CCSER1: variants seen among roughly 807,000 people sequenced by gnomAD.
CCSER1 encodes coiled-coil serine rich protein 1.
In CCSER1, 41 loss-of-function variants were observed where a neutral mutation model predicts 82.0. The ratio of observed to expected loss-of-function variants is 0.50; its 90% CI spans 0.39 to 0.65. The LOEUF is 0.65. Ranked by LOEUF, CCSER1 falls within the 30% of genes least tolerant of loss-of-function variation. CCSER1 has a pLI of 0.00. For missense variants in CCSER1, 1,119 were observed against 1,064.2 expected (o/e 1.05, Z -0.72); for synonymous variants, 414 against 383.9 (o/e 1.08, Z -0.92).
At chr4:90,924,664 C>A (rs1307004664) in intron 9 of CCSER1, among the ~76,000 whole-genome samples, 1 of 152,146 alleles carries the variant, frequency 6.6e-6, no homozygotes, top group Non-Finnish European at 1.5e-5. Flanking sequence ...ACAAGTAGTT[C>A]AATATTGGTC....
intron 5 of CCSER1, among the ~76,000 whole-genome samples, chr4:90,494,875 CA>C (rs2153607643): frequency 6.6e-6 from 1 of 151,206 alleles, no homozygotes; most frequent in Admixed American, 6.6e-5. Context: ...TTTTTTCCTT[CA>C]AAATACTAGT....
intron 1 of CCSER1, among the ~76,000 whole-genome samples, chr4:90,235,871 A>G (rs191961173): frequency 6.6e-6 from 1 of 152,208 alleles, no homozygotes; most frequent in Non-Finnish European, 1.5e-5. Flanking sequence ...GAAGGGCAAT[A>G]GTCTATCAAA....
intron 10 of CCSER1, among the ~76,000 whole-genome samples, chr4:91,404,921 C>A (rs549311714): frequency 6.6e-6 from 1 of 152,276 alleles, no homozygotes; most frequent in Non-Finnish European, 1.5e-5. Flanking sequence ...CCACTTGGTG[C>A]AGAGCTGAGT....
At chr4:90,469,783 T>C (rs773816772) in intron 5 of CCSER1, among the ~76,000 whole-genome samples, 4 of 152,160 alleles carry the variant, frequency 2.6e-5, no homozygotes, top group African/African-American at 4.8e-5. Flanking sequence ...AAGTTGTTCA[T>C]CAGACTTGTC....
At chr4:91,348,798 G>A (rs1374780175) in intron 10 of CCSER1, among the ~76,000 whole-genome samples, 1 of 151,876 alleles carries the variant, frequency 6.6e-6, no homozygotes, top group Non-Finnish European at 1.5e-5. Flanking sequence ...AATGATAGTT[G>A]CTTTTTTATT....
At chr4:90,198,278 A>G (rs146167996) in intron 1 of CCSER1, among the ~76,000 whole-genome samples, 1 of 152,118 alleles carries the variant, frequency 6.6e-6, no homozygotes, top group African/African-American at 2.4e-5. Flanking sequence ...TCCCCTGGCA[A>G]ATACTCCCCC....
chr4:91,454,903 A>C (rs1321878797), intron 10 of CCSER1, among the ~76,000 whole-genome samples: 1 of 151,912 alleles, frequency 6.6e-6, no homozygotes, highest in Non-Finnish European at 1.5e-5. Flanking sequence ...TGAAATGTTC[A>C]CAGTTATATT....
chr4:91,175,458 A>G (rs1378449842), intron 10 of CCSER1, among the ~76,000 whole-genome samples: 2 of 152,034 alleles, frequency 1.3e-5, no homozygotes, highest in Non-Finnish European at 2.9e-5. Context: ...AAGTGTTTCT[A>G]TTTCTCCACA....
chr4:91,228,166 C>T (rs762014931), intron 10 of CCSER1, among the ~76,000 whole-genome samples: 1 of 151,954 alleles, frequency 6.6e-6, no homozygotes, highest in Non-Finnish European at 1.5e-5. Flanking sequence ...TTGAGAAGAC[C>T]GACAATTGTC....
chr4:91,277,051 T>C (rs1742523295), intron 10 of CCSER1, among the ~76,000 whole-genome samples: 1 of 152,092 alleles, frequency 6.6e-6, no homozygotes, highest in African/African-American at 2.4e-5. Context: ...TAGATTTGAT[T>C]TGCTGGTATT....
intron 10 of CCSER1, among the ~76,000 whole-genome samples, chr4:91,251,268 C>T (rs931288057): frequency 2.0e-5 from 3 of 152,158 alleles, no homozygotes; most frequent in African/African-American, 7.2e-5. Context: ...TTGATTGCCA[C>T]TTTCTTGCTG....
At chr4:90,941,062 T>C (rs1274858918) in intron 9 of CCSER1, among the ~76,000 whole-genome samples, 1 of 152,120 alleles carries the variant, frequency 6.6e-6, no homozygotes, top group Non-Finnish European at 1.5e-5. Context: ...ATAATTGCAA[T>C]GGTAAACACT....
intron 7 of CCSER1, chr4:90,724,800 A>G (rs1035173098): frequency 1.9e-5 from 5 of 266,190 alleles, no homozygotes; most frequent in African/African-American, 1.1e-4. Flanking sequence ...CAATATTTTA[A>G]CATACAATTA....
At chr4:90,664,417 C>T (rs968490489) in intron 6 of CCSER1, among the ~76,000 whole-genome samples, 2 of 152,048 alleles carry the variant, frequency 1.3e-5, no homozygotes, top group East Asian at 1.9e-4. Context: ...TATATACTAA[C>T]GGAAAAGGGA....
chr4:90,308,472 T>C lies in CCSER1; in HGVS notation c.188T>C (p.Phe63Ser). ...SGSTGKRRSI[F>S]RTPSISFHHK... Reference sequence around the variant, plus strand: ...AGCACAGGTAAACGGAGGAGCATATTCCGTACTCCTTCCATTAGCTTCCAC... The same window carrying C: ...AGCACAGGTAAACGGAGGAGCATATCCCGTACTCCTTCCATTAGCTTCCAC... Residue 63 changes from phenylalanine (F) to serine (S), a missense_variant, in exon 2 of 11, where the codon TTC (phenylalanine) becomes TCC (serine). Physicochemically the swap from Phe to Ser is radical, Grantham distance 155. Transcript: ENST00000509176. The C allele has an allele frequency of 1.2e-6, 2 of 1,613,858 alleles. No individual in the cohort carries two copies. The highest frequency in any genetic ancestry group is 1.7e-6 in the Non-Finnish European group (2 of 1,179,816).
intron 5 of CCSER1, among the ~76,000 whole-genome samples, chr4:90,501,513 A>C (rs1284255882): frequency 1.3e-5 from 2 of 152,208 alleles, no homozygotes; most frequent in Non-Finnish European, 2.9e-5. Flanking sequence ...CACAACAACC[A>C]GCTTTGTCCT....
chr4:90,531,012 A>C (rs1330370258), intron 5 of CCSER1, among the ~76,000 whole-genome samples: 1 of 152,184 alleles, frequency 6.6e-6, no homozygotes, highest in African/African-American at 2.4e-5. Context: ...AGATTTGTTG[A>C]GTTCACCTTA....
intron 9 of CCSER1, among the ~76,000 whole-genome samples, chr4:91,072,094 A>T (rs1245560443): frequency 6.6e-6 from 1 of 152,118 alleles, no homozygotes; most frequent in Non-Finnish European, 1.5e-5. Flanking sequence ...ACTGTATGAA[A>T]CCTCATAAAA....
chr4:91,054,702 ATT>A (rs149064307), intron 9 of CCSER1, among the ~76,000 whole-genome samples: 40 of 142,386 alleles, frequency 2.8e-4, no homozygotes, highest in Non-Finnish European at 4.9e-4. Flanking sequence ...CAGATTTGAG[ATT>A]TTTTTTTGGG....
Sources: allele counts gnomAD v4.1 joint callset (sites outside exome capture counted in the v4.1 genomes callset), GRCh38; gene constraint gnomAD v4.1.1; transcripts MANE v1.5; gene names NCBI Gene and HGNC (gene_info 2026-07-23, HGNC 2026-07-21).